XRCC4: variants seen among roughly 807,000 people sequenced by gnomAD.
XRCC4 encodes X-ray repair cross complementing 4, also known as DNA repair protein XRCC4.
Under a neutral mutation model 39.1 loss-of-function variants are expected in XRCC4, and 28 were observed. The observed-to-expected ratio is 0.72, with a 90% CI of 0.53 to 0.98. The LOEUF (loss-of-function observed/expected upper bound fraction) is 0.98. Ranked by LOEUF, XRCC4 falls within the 50% of genes least tolerant of loss-of-function variation. The pLI is 0.00. For missense variants in XRCC4, 350 were observed against 376.4 expected, an observed-to-expected ratio of 0.93 and a Z score of 0.58; for synonymous variants, 123 against 126.4, an observed-to-expected ratio of 0.97 and a Z score of 0.18.
At position 83,186,941 on chromosome 5, in the gene XRCC4, A is replaced by ATTTTTTTTTTTTTTTTTTTTT. The variant is rs770811313; in HGVS notation, c.316-8809_316-8808insTTTTTTTTTTTTTTTTTTTTT. ...TTTTGGCTCATGGCCTGCTTCTTCCATTTTTTTTTTTTTTTTTTTTGAGAC... is the reference window on the plus strand; with the variant it reads ...TTTTGGCTCATGGCCTGCTTCTTCCATTTTTTTTTTTTTTTTTTTTTTTTTTTTTTTTTTTTTTTTTGAGAC... On this transcript the variant is annotated intron_variant, in intron 3 of 7. Transcript: ENST00000396027. 3.4e-5 allele frequency among the ~76,000 whole-genome samples: 3 copies of ATTTTTTTTTTTTTTTTTTTTT among 87,496 alleles called. 1 individual carries two copies. Among genetic ancestry groups the ATTTTTTTTTTTTTTTTTTTTT allele is most frequent in the African/African-American group, 1.8e-4 (3 of 16,636 alleles). The allele number at this position is 87,496 out of a possible 152,430, so 57.4% of individuals were successfully genotyped here. A position where few individuals can be genotyped will look rare whatever the true frequency, so the allele number is the denominator to read the frequency against.
At chr5:83,153,551 G>A (rs1291362387) in intron 3 of XRCC4, among the ~76,000 whole-genome samples, 1 of 152,166 alleles carries the variant, frequency 6.6e-6, no homozygotes, top group South Asian at 2.1e-4. Context: ...TGGCAGATAA[G>A]CACATTGGAA....
intron 6 of XRCC4, among the ~76,000 whole-genome samples, chr5:83,218,479 G>T (rs1381011791): frequency 6.6e-6 from 1 of 151,784 alleles, no homozygotes; most frequent in Non-Finnish European, 1.5e-5. Context: ...GTTTTAAGAG[G>T]ACATGTACTA....
chr5:83,320,543 A>C (rs1047261361), intron 7 of XRCC4, among the ~76,000 whole-genome samples: 1 of 152,046 alleles, frequency 6.6e-6, no homozygotes, highest in South Asian at 2.1e-4. Context: ...AGTTCTACTG[A>C]GGAAAAAATG....
At chr5:83,166,363 A>G (rs1301274566) in intron 3 of XRCC4, among the ~76,000 whole-genome samples, 6 of 151,854 alleles carry the variant, frequency 4.0e-5, no homozygotes, top group Non-Finnish European at 8.8e-5. Context: ...GTCAAATGGT[A>G]TTTCTGTTTT....
intron 3 of XRCC4, among the ~76,000 whole-genome samples, chr5:83,139,419 G>A (rs899277884): frequency 6.6e-6 from 1 of 152,106 alleles, no homozygotes; most frequent in Non-Finnish European, 1.5e-5. Flanking sequence ...TTGAGGTTTT[G>A]TTTGCTAGGT....
At chr5:83,086,261 A>T (rs1745175185) in intron 1 of XRCC4, among the ~76,000 whole-genome samples, 1 of 152,196 alleles carries the variant, frequency 6.6e-6, no homozygotes, top group Non-Finnish European at 1.5e-5. Flanking sequence ...GGGGTTAGGG[A>T]TGCCAACCTC....
At chr5:83,210,962 A>G (rs1039795958) in intron 6 of XRCC4, among the ~76,000 whole-genome samples, 3 of 152,168 alleles carry the variant, frequency 2.0e-5, no homozygotes, top group Non-Finnish European at 4.4e-5. Context: ...AAGTATCTCT[A>G]CATCTTTATA....
intron 6 of XRCC4, among the ~76,000 whole-genome samples, chr5:83,244,306 T>A (rs1278743839): frequency 6.6e-6 from 1 of 152,202 alleles, no homozygotes; most frequent in Non-Finnish European, 1.5e-5. Context: ...GATCATTGAG[T>A]TTTGTTCTGG....
At chr5:83,182,177 A>G (rs4290995) in intron 3 of XRCC4, among the ~76,000 whole-genome samples, 71,930 of 151,822 alleles carry the variant, frequency 0.47, 17,731 homozygotes, top group African/African-American at 0.57. Context: ...TGTGGCCTGA[A>G]AGATAACCAG....
chr5:83,125,925 G>A (rs1387905278), intron 3 of XRCC4, among the ~76,000 whole-genome samples: 6 of 145,878 alleles, frequency 4.1e-5, no homozygotes, highest in Non-Finnish European at 3.0e-5. Flanking sequence ...AGAGGTTGCA[G>A]TAAGCTGAGA....
chr5:83,343,504 T>C (rs1028345997), intron 7 of XRCC4, among the ~76,000 whole-genome samples: 3 of 152,188 alleles, frequency 2.0e-5, no homozygotes, highest in Non-Finnish European at 4.4e-5. Context: ...CTCATTAGCC[T>C]AAAGTGTATT....
intron 7 of XRCC4, among the ~76,000 whole-genome samples, chr5:83,278,433 A>C (rs1055123275): frequency 6.6e-6 from 1 of 152,166 alleles, no homozygotes; most frequent in Admixed American, 6.5e-5. Flanking sequence ...TCATTTATAG[A>C]TAATAGAAAT....
chr5:83,128,476 T>C (rs1369508513), intron 3 of XRCC4, among the ~76,000 whole-genome samples: 1 of 152,174 alleles, frequency 6.6e-6, no homozygotes, highest in Non-Finnish European at 1.5e-5. Flanking sequence ...TATAATCCTT[T>C]GGGTATATAC....
intron 7 of XRCC4, among the ~76,000 whole-genome samples, chr5:83,342,712 GTT>G (rs1409217099): frequency 6.6e-6 from 1 of 152,156 alleles, no homozygotes; most frequent in Non-Finnish European, 1.5e-5. Context: ...ACTTCAGTCT[GTT>G]AATTTATTTA....
intron 3 of XRCC4, among the ~76,000 whole-genome samples, chr5:83,136,236 A>C (rs1747890621): frequency 6.6e-6 from 1 of 152,174 alleles, no homozygotes; most frequent in Non-Finnish European, 1.5e-5. Context: ...TGTCAAATAC[A>C]TCATCTTGTC....
chr5:83,233,076 G>T (rs1037816385), intron 6 of XRCC4, among the ~76,000 whole-genome samples: 1 of 152,236 alleles, frequency 6.6e-6, no homozygotes, highest in African/African-American at 2.4e-5. Context: ...TTTTATGGGT[G>T]AACTGACAAG....
At chr5:83,312,717 G>A (rs1462466670) in intron 7 of XRCC4, among the ~76,000 whole-genome samples, 2 of 152,146 alleles carry the variant, frequency 1.3e-5, no homozygotes, top group Non-Finnish European at 2.9e-5. Flanking sequence ...GGTGGTAGAA[G>A]ACAGCTTATT....
chr5:83,208,353 TAATC>T (rs1431832107), intron 6 of XRCC4, among the ~76,000 whole-genome samples: 1 of 152,040 alleles, frequency 6.6e-6, no homozygotes, highest in African/African-American at 2.4e-5. Flanking sequence ...TATTCTTTAA[TAATC>T]AAATGTAGAA....
At chr5:83,202,419 A>G (rs999233505) in intron 4 of XRCC4, among the ~76,000 whole-genome samples, 1 of 152,214 alleles carries the variant, frequency 6.6e-6, no homozygotes, top group African/African-American at 2.4e-5. Context: ...AATTGGTCCC[A>G]GAGAATATAT....
Sources: gnomAD v4.1 joint callset for allele counts (sites outside exome capture counted in the v4.1 genomes callset) on GRCh38, gnomAD v4.1.1 for gene constraint, MANE v1.5 for transcripts, NCBI Gene and HGNC (gene_info 2026-07-23, HGNC 2026-07-21) for gene names.